STXBP5: variants seen among roughly 807,000 people sequenced by gnomAD.
STXBP5 encodes the protein syntaxin binding protein 5.
Under a neutral mutation model 152.4 loss-of-function variants are expected in STXBP5, and 50 were observed. That is an observed-to-expected ratio of 0.33 (90% CI 0.26 to 0.42). The LOEUF is 0.42. Ranked by LOEUF, STXBP5 falls within the 10% of genes least tolerant of loss-of-function variation. STXBP5 has a pLI of 1.00. For missense variants in STXBP5, 1,167 were observed against 1,388.6 expected (o/e 0.84, Z 2.54); for synonymous variants, 492 against 494.7 (o/e 0.99, Z 0.07).
At chr6:147,268,160 A>G (rs949886573) in intron 7 of STXBP5, among the ~76,000 whole-genome samples, 2 of 152,156 alleles carry the variant, frequency 1.3e-5, no homozygotes, top group Admixed American at 6.5e-5. Context: ...ACTTCAATCC[A>G]CTGAAGTTAT....
rs141368299 is a variant in STXBP5 at position 147,312,470 on chromosome 6, C to T, written c.1145+943C>T. Among the ~76,000 whole-genome samples the T allele has an allele frequency of 2.5e-4, 38 of 152,298 alleles. No homozygotes were observed. In the East Asian group the frequency reaches 6.0e-3, roughly 24 times the overall value. On this transcript the variant is annotated intron_variant, in intron 11 of 27. Transcript: ENST00000321680. ...GGGTGATTTTTGCATTCCCTGCCCC[C>T]AGCCCCGCCCTTCTCCCACCCAGAG...
chr6:147,254,551 A>G (rs896838025), intron 4 of STXBP5, among the ~76,000 whole-genome samples: 3 of 152,224 alleles, frequency 2.0e-5, no homozygotes, highest in Admixed American at 6.5e-5. Flanking sequence ...CCATCTGGCA[A>G]AAGGCTAATA....
chr6:147,215,709 T>G (rs1473562294), intron 2 of STXBP5, among the ~76,000 whole-genome samples: 1 of 152,164 alleles, frequency 6.6e-6, no homozygotes, highest in Non-Finnish European at 1.5e-5. Context: ...TTTTTAATAA[T>G]ACATAGTAAC....
chr6:147,384,000 T>A (rs1786223009), intron 27 of STXBP5, among the ~76,000 whole-genome samples: 1 of 152,106 alleles, frequency 6.6e-6, no homozygotes, highest in Non-Finnish European at 1.5e-5. Flanking sequence ...GATTGTATGA[T>A]CTCTACAGCA....
chr6:147,315,734 C>T lies in STXBP5; in HGVS notation c.1622C>T (p.Pro541Leu), dbSNP rs773938856. The T allele has an allele frequency of 1.7e-5, 27 of 1,608,398 alleles. No individual in the cohort carries two copies. The highest frequency in any genetic ancestry group is 2.2e-5 in the South Asian group (2 of 90,838). Residue 541 changes from proline to leucine, a missense_variant and splice_region_variant, in exon 15 of 28, where the codon CCG becomes CTG. By Grantham distance (98) the Pro-to-Leu change is moderately conservative. Coordinates refer to ENST00000321680, the MANE Select transcript of STXBP5 (RefSeq NM_001127715.4). ...SKQEVITEVI[P>L]MLEVRLLYEI... ...CAGGAAGTAATCACAGAAGTCATTC[C>T]GGTAATAACGTCTTAGTTATTTTCA... is the stretch of plus-strand genomic sequence containing the variant.
chr6:147,342,535 T>C (rs530394552), intron 21 of STXBP5, among the ~76,000 whole-genome samples: 75 of 152,332 alleles, frequency 4.9e-4, no homozygotes, highest in African/African-American at 1.7e-3. Context: ...TGTATGCATA[T>C]GGTAATTTGT....
chr6:147,205,118 T>G (rs1004422068), intron 1 of STXBP5, among the ~76,000 whole-genome samples: 2 of 152,158 alleles, frequency 1.3e-5, no homozygotes, highest in African/African-American at 4.8e-5. Flanking sequence ...CACTTTTCCC[T>G]TAAAATGTGG....
At chr6:147,354,711 A>C (rs1199330460) in intron 22 of STXBP5, among the ~76,000 whole-genome samples, 1 of 152,216 alleles carries the variant, frequency 6.6e-6, no homozygotes, top group Admixed American at 6.5e-5. Flanking sequence ...AGGCATACTC[A>C]CATTTACAAA....
At chr6:147,380,374 A>G (rs1436079940) in intron 26 of STXBP5, among the ~76,000 whole-genome samples, 1 of 151,522 alleles carries the variant, frequency 6.6e-6, no homozygotes, top group Non-Finnish European at 1.5e-5. Flanking sequence ...GTTTTTTTTT[A>G]CAAGGACGCC....
chr6:147,246,171 G>A (rs1456003542), intron 4 of STXBP5, among the ~76,000 whole-genome samples: 2 of 152,176 alleles, frequency 1.3e-5, no homozygotes, highest in African/African-American at 2.4e-5. Context: ...ATCAGAATAT[G>A]TTCCATTTAG....
chr6:147,255,932 G>A (rs1016795056), intron 4 of STXBP5, among the ~76,000 whole-genome samples: 3 of 152,090 alleles, frequency 2.0e-5, no homozygotes, highest in Non-Finnish European at 4.4e-5. Context: ...TTTTTGGACT[G>A]TAGACTATCA....
chr6:147,374,736 G>A (rs1323726124), intron 26 of STXBP5, among the ~76,000 whole-genome samples: 1 of 152,204 alleles, frequency 6.6e-6, no homozygotes, highest in Non-Finnish European at 1.5e-5. Flanking sequence ...TGACTCTGCA[G>A]TACTTTGCTA....
intron 19 of STXBP5, among the ~76,000 whole-genome samples, chr6:147,337,140 T>C (rs75251787): frequency 2.0e-5 from 3 of 151,428 alleles, no homozygotes; most frequent in African/African-American, 4.9e-5. Flanking sequence ...TTTAGTATTA[T>C]TGGAATTTTT....
At chr6:147,283,937 C>T (rs920086540) in intron 8 of STXBP5, among the ~76,000 whole-genome samples, 1 of 152,044 alleles carries the variant, frequency 6.6e-6, no homozygotes, top group African/African-American at 2.4e-5. Context: ...ACATCACTGT[C>T]CAATAGAAAG....
intron 19 of STXBP5, among the ~76,000 whole-genome samples, chr6:147,335,689 A>G (rs1212901389): frequency 6.6e-6 from 1 of 152,036 alleles, no homozygotes; most frequent in African/African-American, 2.4e-5. Flanking sequence ...AGTCCCAGCT[A>G]CTCGGGAGGC....
intron 23 of STXBP5, 112 bp downstream of exon 23, chr6:147,359,435 G>A: frequency 2.2e-6 from 3 of 1,333,792 alleles, no homozygotes; most frequent in Middle Eastern, 2.5e-4. Flanking sequence ...TAAAGTAAAT[G>A]GGGACAGTGA....
chr6:147,235,878 A>T lies in STXBP5; in HGVS notation c.330+547A>T, dbSNP rs371209759. 3.3e-5 allele frequency among the ~76,000 whole-genome samples: 5 copies of T among 152,320 alleles called. No homozygotes were observed. The East Asian group carries it at 9.6e-4, about 29-fold the overall frequency. Reference sequence around the variant, plus strand: ...TCGGCATAGGAAACACTGTTTTTGCATATTTTAAGAGCATACGAGCAGCTC... The same window carrying T: ...TCGGCATAGGAAACACTGTTTTTGCTTATTTTAAGAGCATACGAGCAGCTC... On this transcript the variant is annotated intron_variant, in intron 3 of 27. Transcript: ENST00000321680.
At chr6:147,373,363 CAAAAAAAAAAA>C (rs11341887) in intron 25 of STXBP5, among the ~76,000 whole-genome samples, 6 of 67,718 alleles carry the variant, frequency 8.9e-5, no homozygotes, top group Admixed American at 2.0e-4. Context: ...GAGACTGTCT[CAAAAAAAAAAA>C]AAAAAAAAAA....
intron 1 of STXBP5, 92 bp from the exon 2 acceptor site, chr6:147,205,879 A>G: frequency 1.1e-6 from 1 of 878,444 alleles, no homozygotes; most frequent in South Asian, 1.4e-5. Context: ...CATCAGTGGT[A>G]GTGGTTCTAA....
Sources: gnomAD v4.1 joint callset for allele counts (sites outside exome capture counted in the v4.1 genomes callset) on GRCh38, gnomAD v4.1.1 for gene constraint, MANE v1.5 for transcripts, NCBI Gene and HGNC (gene_info 2026-07-23, HGNC 2026-07-21) for gene names.